The following ALK variants were observed in gnomAD, a reference collection of about 807,000 sequenced individuals.
ALK encodes the protein ALK tyrosine kinase receptor.
Under a neutral mutation model 163.1 loss-of-function variants are expected in ALK, and 74 were observed. The observed-to-expected ratio is 0.45, with a 90% confidence interval of 0.38 to 0.55. The LOEUF (loss-of-function observed/expected upper bound fraction) is 0.55. Among genes scored for constraint, ALK ranks in the 20% least tolerant of loss-of-function variants. The pLI is 0.00. For synonymous variants in ALK, 960 were observed against 843.2 expected (o/e 1.14, Z -2.40); for missense variants, 2,063 against 2,105.3 (o/e 0.98, Z 0.39).
At chr2:29,429,662 A>T (rs768662093) in intron 4 of ALK, among the ~76,000 whole-genome samples, 42 of 152,098 alleles carry the variant, frequency 2.8e-4, no homozygotes, top group Non-Finnish European at 5.6e-4. Flanking sequence ...CCCTAAATAG[A>T]TCAATAGATT....
chr2:29,314,476 C>G, intron 8 of ALK, among the ~76,000 whole-genome samples: 1 of 151,902 alleles, frequency 6.6e-6, no homozygotes, highest in Non-Finnish European at 1.5e-5. Flanking sequence ...TGTGTGCACG[C>G]ATGTGTGTAT....
At chr2:29,374,315 A>C (rs1254070751) in intron 5 of ALK, among the ~76,000 whole-genome samples, 3 of 152,216 alleles carry the variant, frequency 2.0e-5, no homozygotes, top group Admixed American at 6.5e-5. Context: ...AAACTTTTCC[A>C]AGCTCAAAAA....
chr2:29,377,339 G>A (rs1217836597), intron 5 of ALK, among the ~76,000 whole-genome samples: 1 of 152,150 alleles, frequency 6.6e-6, no homozygotes, highest in African/African-American at 2.4e-5. Context: ...GCCAGGCGTG[G>A]TGGCTTGCGC....
chr2:29,401,221 G>A (rs958360574), intron 4 of ALK, among the ~76,000 whole-genome samples: 1 of 152,046 alleles, frequency 6.6e-6, no homozygotes, highest in Non-Finnish European at 1.5e-5. Flanking sequence ...CTCTCCTGAC[G>A]TGGCCGCTGT....
At position 29,831,259 on chromosome 2, in the gene ALK, G is replaced by GAAGAAGAAGAAGAAGAAGAAGAA. The variant is rs1665405322; in HGVS notation, c.667+88733_667+88734insTTCTTCTTCTTCTTCTTCTTCTT. ...AGGAAGAAGAAGAGGAAGAGGAAGA[G>GAAGAAGAAGAAGAAGAAGAAGAA]GAAGAAGAAGAAGAAGAAGAAGAAG... On this transcript the variant is annotated intron_variant, in intron 1 of 28. Coordinates refer to ENST00000389048, the MANE Select transcript of ALK (RefSeq NM_004304.5). 3.9e-4 allele frequency among the ~76,000 whole-genome samples: 11 copies of GAAGAAGAAGAAGAAGAAGAAGAA among 28,148 alleles called. 1 individual carries two copies. The highest frequency in any genetic ancestry group is 7.7e-4 in the Non-Finnish European group (11 of 14,346). 18.5% of individuals were successfully genotyped at this position (28,148 alleles called of 152,430 possible).
intron 5 of ALK, among the ~76,000 whole-genome samples, chr2:29,381,639 T>C (rs1037153970): frequency 3.9e-5 from 6 of 152,192 alleles, no homozygotes; most frequent in African/African-American, 1.4e-4. Context: ...CCTGCAGACC[T>C]TCCTACAGTC....
At chr2:29,572,994 C>T (rs1007339079) in intron 3 of ALK, among the ~76,000 whole-genome samples, 2 of 152,240 alleles carry the variant, frequency 1.3e-5, no homozygotes, top group African/African-American at 4.8e-5. Context: ...GGCTTCTGAG[C>T]TCACCATCCC....
intron 9 of ALK, among the ~76,000 whole-genome samples, chr2:29,279,806 A>C (rs1033312936): frequency 7.2e-5 from 11 of 151,966 alleles, no homozygotes; most frequent in Non-Finnish European, 1.2e-4. Context: ...CTACCATGTC[A>C]CTCTCCAGAG....
chr2:29,214,185 A>C, intron 23 of ALK, 104 bp from the exon 24 acceptor site: 1 of 934,018 alleles, frequency 1.1e-6, no homozygotes, highest in Non-Finnish European at 1.7e-6. Context: ...GACCGTGAAC[A>C]TGCAGCTACA....
At chr2:29,210,080 A>T (rs899775191) in intron 24 of ALK, among the ~76,000 whole-genome samples, 9 of 152,162 alleles carry the variant, frequency 5.9e-5, no homozygotes, top group African/African-American at 1.9e-4. Context: ...ATGGAAAAGG[A>T]TTAGGGGAAA....
rs764883860 is a variant in ALK, at chr2:29,227,539, A to C, written c.2914+35T>G. On this transcript the variant is annotated intron_variant, in intron 17 of 28. Coordinates refer to ENST00000389048, the MANE Select transcript of ALK (RefSeq NM_004304.5). The surrounding 1 kb of genome is among the most constrained non-coding windows in gnomAD (Gnocchi z 4.4). ...TTAGCTTGGTGGGAGGACTGACCTAAGCAAGTTTGTTCTGCTGCCTGGCAG... is the reference window on the plus strand; with the variant it reads ...TTAGCTTGGTGGGAGGACTGACCTACGCAAGTTTGTTCTGCTGCCTGGCAG... 1 of 1,563,850 alleles carries C rather than the reference A, an allele frequency of 6.4e-7. No homozygotes were observed. Among genetic ancestry groups the C allele is most frequent in the East Asian group, 2.2e-5 (1 of 44,622 alleles).
intron 4 of ALK, among the ~76,000 whole-genome samples, chr2:29,509,827 C>T (rs1018378251): frequency 6.6e-6 from 1 of 152,116 alleles, no homozygotes; most frequent in Admixed American, 6.5e-5. Flanking sequence ...TGGGGAGAAG[C>T]ATTTAAAAAG....
intron 3 of ALK, among the ~76,000 whole-genome samples, chr2:29,536,294 T>C (rs572496781): frequency 6.7e-6 from 1 of 150,218 alleles, no homozygotes; most frequent in African/African-American, 2.5e-5. Flanking sequence ...CTCCATCCCC[T>C]TGGTATATGT....
chr2:29,638,732 T>C (rs1257957084), intron 3 of ALK, among the ~76,000 whole-genome samples: 1 of 152,158 alleles, frequency 6.6e-6, no homozygotes, highest in Non-Finnish European at 1.5e-5. Context: ...AAATGGGCTG[T>C]AGAGGATCTG....
intron 3 of ALK, among the ~76,000 whole-genome samples, chr2:29,665,793 T>C (rs1208743461): frequency 3.9e-5 from 6 of 152,166 alleles, no homozygotes; most frequent in Non-Finnish European, 5.9e-5. Context: ...AAGCCTGGGA[T>C]TGGAACCTAC....
intron 23 of ALK, among the ~76,000 whole-genome samples, chr2:29,215,887 C>T (rs1022151478): frequency 1.3e-5 from 2 of 152,130 alleles, no homozygotes; most frequent in Non-Finnish European, 2.9e-5. Flanking sequence ...GTGACAGTGG[C>T]GTGGGACTGT....
chr2:29,898,323 C>A (rs559490433), intron 1 of ALK, among the ~76,000 whole-genome samples: 1 of 152,160 alleles, frequency 6.6e-6, no homozygotes, highest in South Asian at 2.1e-4. Flanking sequence ...TGATCAAATG[C>A]GATTAAGGGA....
chr2:29,217,122 CGTGTGTGGTGTGT>C (rs1158509758), intron 23 of ALK, among the ~76,000 whole-genome samples: 3 of 25,756 alleles, frequency 1.2e-4, no homozygotes, highest in African/African-American at 2.7e-4. Context: ...GGGGGGGGGG[CGTGTGTGGTGTGT>C]GTGTGTGTGT....
At chr2:29,623,340 T>A (rs534399189) in intron 3 of ALK, among the ~76,000 whole-genome samples, 11 of 152,326 alleles carry the variant, frequency 7.2e-5, no homozygotes, top group African/African-American at 2.2e-4. Context: ...TAAATTATAA[T>A]CTGATAAAAT....
Sources: allele counts gnomAD v4.1 joint callset (sites outside exome capture counted in the v4.1 genomes callset), GRCh38; gene constraint gnomAD v4.1.1; non-coding constraint Gnocchi (gnomAD v3.1); transcripts MANE v1.5; gene names NCBI Gene and HGNC (gene_info 2026-07-23, HGNC 2026-07-21).